The following NPIPB2 variants were observed in gnomAD, a reference collection of about 807,000 sequenced individuals.
NPIPB2 encodes nuclear pore complex interacting protein family member B2, also known as nuclear pore complex-interacting protein family member B2.
In NPIPB2, 27 loss-of-function variants were observed where a neutral mutation model predicts 30.8. The observed-to-expected ratio is 0.88, with a 90% CI of 0.65 to 1.21. The LOEUF (loss-of-function observed/expected upper bound fraction) is 1.21, where lower values mean the gene tolerates loss of function less well. Ranked by LOEUF, NPIPB2 falls within the 50% of genes most tolerant of loss-of-function variation. The probability of loss-of-function intolerance (pLI) is 0.00; values close to 1 mark genes in which losing one functional copy is unlikely to be tolerated. For missense variants in NPIPB2, 440 were observed against 446.2 expected (o/e 0.99, Z 0.13); for synonymous variants, 147 against 162.0 (o/e 0.91, Z 0.70).
At chr16:11,952,240 C>A (rs150107686) in intron 1 of NPIPB2, among the ~76,000 whole-genome samples, 1,875 of 148,290 alleles carry the variant, frequency 0.013, 39 homozygotes, top group African/African-American at 0.045. Context: ...CCCAGCTACT[C>A]GGGAGGCTAA....
Position 11,953,662 on chromosome 16 carries a change from A to G in NPIPB2, c.-583-11548T>C, listed in dbSNP as rs563963830. ...ACTGTGCCTGGCCTGAGATACAACT[A>G]TTTTTCTTAGTTTATTTTTTGCTTT... On this transcript the variant is annotated intron_variant, in intron 1 of 5. Coordinates refer to the NPIPB2 transcript ENST00000538896. Among the ~76,000 whole-genome samples the G allele has an allele frequency of 1.2e-4, 16 of 132,512 alleles. 1 individual carries two copies. The highest frequency in any genetic ancestry group is 4.0e-4 in the African/African-American group (14 of 34,706). The allele number at this position is 132,512 out of a possible 152,430, so 86.9% of individuals were successfully genotyped here.
At chr16:11,973,190 T>G (rs115514510) in intron 1 of NPIPB2, among the ~76,000 whole-genome samples, 1 of 148,176 alleles carries the variant, frequency 6.7e-6, no homozygotes, top group Non-Finnish European at 1.5e-5. Flanking sequence ...AAAAAGACTC[T>G]ATTCTATCAG....
intron 1 of NPIPB2, chr16:11,965,382 G>A (rs143690193): frequency 6.2e-7 from 1 of 1,614,106 alleles, no homozygotes; most frequent in African/African-American, 1.3e-5. Flanking sequence ...TTTGTTGCAT[G>A]CTTGCATACC....
Position 11,937,598 on chromosome 16 carries a change from A to G in NPIPB2, c.134T>C (p.Ile45Thr), listed in dbSNP as rs768415791. ...TTTATAACTTCTCGGAAATGCAATA[A>G]TGATACGTAACCAAGGACTTCCACC... Residue 45 changes from isoleucine (I) to threonine (T), a missense_variant, in exon 2 of 8, where the codon ATT becomes ACT. Physicochemically the swap from Ile to Thr is moderately conservative, Grantham distance 89. Around this residue, in one of 3 missense-constraint regions of NPIPB2, gnomAD observed 252 missense variants for 233.0 expected, o/e 1.08. Coordinates refer to ENST00000399147, the Ensembl canonical transcript of NPIPB2. 7.5e-6 allele frequency: 12 copies of G among 1,599,438 alleles called. No homozygotes were observed. The African/African-American group carries it at 1.6e-4, about 21-fold the overall frequency.
At chr16:11,956,097 C>T (rs1006432726) in intron 1 of NPIPB2, 1 of 152,214 alleles carries the variant, frequency 6.6e-6, no homozygotes, top group Non-Finnish European at 1.5e-5. Flanking sequence ...GCGCCTCTTC[C>T]ATGAACAAGA....
intron 1 of NPIPB2, among the ~76,000 whole-genome samples, chr16:11,941,657 C>G (rs71388719): frequency 0.18 from 27,815 of 150,794 alleles, 4,842 homozygotes; most frequent in African/African-American, 0.45. Flanking sequence ...CCCTCCCTTA[C>G]CAACCCTGGG....
At chr16:11,975,735 C>T (rs927127969) in intron 1 of NPIPB2, among the ~76,000 whole-genome samples, 2 of 151,924 alleles carry the variant, frequency 1.3e-5, no homozygotes, top group East Asian at 3.9e-4. Context: ...GGACTACAGG[C>T]GCACGCCACC....
intron 1 of NPIPB2, among the ~76,000 whole-genome samples, chr16:11,963,579 C>A (rs2055170204): frequency 6.6e-6 from 1 of 152,204 alleles, no homozygotes; most frequent in East Asian, 1.9e-4. Flanking sequence ...ATAATAAACA[C>A]AGGTGAAGCC....
intron 1 of NPIPB2, chr16:11,967,948 A>C: frequency 1.5e-6 from 2 of 1,363,180 alleles, no homozygotes; most frequent in Non-Finnish European, 2.0e-6. Flanking sequence ...AGTTGCCGAT[A>C]CAGCTTTTTG....
chr16:11,967,735 C>A, intron 1 of NPIPB2: 1 of 1,614,206 alleles, frequency 6.2e-7, no homozygotes, highest in Non-Finnish European at 8.5e-7. Context: ...CCACTCCCAG[C>A]TATGGAGGAA....
upstream of NPIPB2, among the ~76,000 whole-genome samples, chr16:11,943,601 C>G (rs1195445173): frequency 1.3e-5 from 2 of 151,794 alleles, no homozygotes; most frequent in Non-Finnish European, 2.9e-5. Flanking sequence ...ACTCAGAAGG[C>G]TGAGGCAGGA....
At chr16:11,970,970 C>G (rs2055232103) in intron 1 of NPIPB2, among the ~76,000 whole-genome samples, 1 of 152,106 alleles carries the variant, frequency 6.6e-6, no homozygotes, top group African/African-American at 2.4e-5. Context: ...CCTCCCACCT[C>G]AGGCTCCTGT....
chr16:11,946,074 A>AAAGG (rs978017865), upstream of NPIPB2, among the ~76,000 whole-genome samples: 73 of 151,866 alleles, frequency 4.8e-4, no homozygotes, highest in African/African-American at 1.3e-3. Flanking sequence ...AGAAAGAAAG[A>AAAGG]AAGGAAGGAA....
intron 1 of NPIPB2, among the ~76,000 whole-genome samples, chr16:11,961,570 A>C (rs1197792198): frequency 6.6e-6 from 1 of 151,890 alleles, no homozygotes; most frequent in East Asian, 1.9e-4. Context: ...ACTTGAGGTC[A>C]GGAGTTCGAG....
upstream of NPIPB2, among the ~76,000 whole-genome samples, chr16:11,944,588 C>T (rs1380307107): frequency 6.7e-6 from 1 of 150,104 alleles, no homozygotes; most frequent in Non-Finnish European, 1.5e-5. Flanking sequence ...CATGGCAAAA[C>T]CCTGTCTCTA....
chr16:11,963,105 C>A (rs1454860794), intron 1 of NPIPB2, among the ~76,000 whole-genome samples: 2 of 152,082 alleles, frequency 1.3e-5, no homozygotes, highest in East Asian at 3.9e-4. Context: ...ATCATCCAGG[C>A]TAGGTGGCTC....
chr16:11,955,808 G>C (rs2055105717), intron 1 of NPIPB2, among the ~76,000 whole-genome samples: 1 of 122,384 alleles, frequency 8.2e-6, no homozygotes. Flanking sequence ...ACCCAATGAT[G>C]CTTCTTGGGA....
At chr16:11,950,292 T>C (rs1167340857) in intron 1 of NPIPB2, among the ~76,000 whole-genome samples, 1 of 152,094 alleles carries the variant, frequency 6.6e-6, no homozygotes, top group Non-Finnish European at 1.5e-5. Flanking sequence ...CACCTCAGCC[T>C]CCCAAGGTGC....
intron 1 of NPIPB2, among the ~76,000 whole-genome samples, chr16:11,952,702 C>T (rs1175633379): frequency 6.6e-6 from 1 of 151,612 alleles, no homozygotes; most frequent in Non-Finnish European, 1.5e-5. Context: ...GTAGTTGGGA[C>T]TACAGGCACG....
Sources: allele counts gnomAD v4.1 joint callset (sites outside exome capture counted in the v4.1 genomes callset), GRCh38; gene constraint gnomAD v4.1.1; regional missense constraint gnomAD v4.1.1; transcripts MANE v1.5; gene names NCBI Gene and HGNC (gene_info 2026-07-23, HGNC 2026-07-21).